The following TENT2 variants were observed in gnomAD, a reference collection of about 807,000 sequenced individuals.
TENT2 encodes poly(A) RNA polymerase GLD2.
A neutral mutation model predicts 72.2 loss-of-function variants in TENT2; 44 were observed. The ratio of observed to expected loss-of-function variants is 0.61; its 90% confidence interval spans 0.48 to 0.78. TENT2 has a LOEUF of 0.78. Ranked by LOEUF, TENT2 falls within the 30% of genes least tolerant of loss-of-function variation. The probability of loss-of-function intolerance (pLI) is 0.00; values close to 1 mark genes in which losing one functional copy is unlikely to be tolerated. For missense variants in TENT2, 541 were observed against 569.6 expected, an observed-to-expected ratio of 0.95 and a Z score of 0.51; for synonymous variants, 212 against 192.5, an observed-to-expected ratio of 1.10 and a Z score of -0.84.
chr5:79,685,076 A>C (rs1825552044), intron 14 of TENT2, 123 bp from the exon 15 acceptor site: 4 of 791,012 alleles, frequency 5.1e-6, no homozygotes, highest in Non-Finnish European at 8.0e-6. Flanking sequence ...AAAAAATTTG[A>C]AGGAAAAAAT....
At chr5:79,617,319 T>TA (rs911330903) in intron 1 of TENT2, among the ~76,000 whole-genome samples, 2 of 151,722 alleles carry the variant, frequency 1.3e-5, no homozygotes, top group African/African-American at 4.8e-5. Flanking sequence ...AACTCAGTTT[T>TA]AAAAAAATCA....
intron 4 of TENT2, among the ~76,000 whole-genome samples, chr5:79,638,636 T>A (rs1268620751): frequency 1.3e-5 from 2 of 152,176 alleles, no homozygotes; most frequent in African/African-American, 2.4e-5. Flanking sequence ...GCAATTTGAT[T>A]TCTGCATGTT....
At chr5:79,651,104 A>G (rs1580448410) in intron 10 of TENT2, among the ~76,000 whole-genome samples, 1 of 151,992 alleles carries the variant, frequency 6.6e-6, no homozygotes, top group Non-Finnish European at 1.5e-5. Flanking sequence ...AAAAAAATAC[A>G]TTTCCCATGA....
chr5:79,651,216 A>G (rs1378029919), intron 10 of TENT2, among the ~76,000 whole-genome samples: 1 of 152,018 alleles, frequency 6.6e-6, no homozygotes, highest in Non-Finnish European at 1.5e-5. Flanking sequence ...ATATAAATAC[A>G]TAAATGTCAA....
In TENT2 at chr5:79,640,900, G is replaced by C. The variant is rs760299421; in HGVS notation, c.515G>C (p.Ser172Thr). Residue 172 changes from serine (S) to threonine (T), a missense_variant, in exon 5 of 15, where the codon AGT (serine) becomes ACT (threonine). Transcript: ENST00000453514. ...ELFETCQQQI[S>T]DLKKKELCRT... ...TTTGAAACATGTCAGCAGCAAATAA[G>C]TGATTTAAAGAAGAAAGAACTCTGT... is the stretch of plus-strand genomic sequence containing the variant. 1.9e-5 allele frequency: 30 copies of C among 1,612,138 alleles called. No individual in the cohort carries two copies. Among genetic ancestry groups the C allele is most frequent in the Non-Finnish European group, 2.5e-5 (29 of 1,179,386 alleles).
chr5:79,636,214 C>T (rs1780025455), intron 4 of TENT2, among the ~76,000 whole-genome samples: 1 of 152,074 alleles, frequency 6.6e-6, no homozygotes. Flanking sequence ...TTCTTTTTAG[C>T]TTTTTATTAT....
At chr5:79,647,255 T>C (rs1789852107) in intron 8 of TENT2, among the ~76,000 whole-genome samples, 1 of 152,200 alleles carries the variant, frequency 6.6e-6, no homozygotes, top group Non-Finnish European at 1.5e-5. Context: ...TAAATAAGTA[T>C]TTTGTGCATA....
chr5:79,678,200 T>G (rs2150885001), intron 12 of TENT2, among the ~76,000 whole-genome samples: 1 of 152,320 alleles, frequency 6.6e-6, no homozygotes, highest in South Asian at 2.1e-4. Flanking sequence ...AATTATACTT[T>G]CAGTGTGCTT....
At chr5:79,642,125 T>C (rs1459696199) in intron 6 of TENT2, among the ~76,000 whole-genome samples, 1 of 152,100 alleles carries the variant, frequency 6.6e-6, no homozygotes. Flanking sequence ...TAATATGCCT[T>C]ATTATGTTTT....
intron 14 of TENT2, among the ~76,000 whole-genome samples, chr5:79,683,338 CA>C (rs1823619521): frequency 2.6e-5 from 4 of 151,522 alleles, no homozygotes; most frequent in Admixed American, 2.0e-4. Context: ...CACACACACA[CA>C]CACCCCACCT....
intron 7 of TENT2, among the ~76,000 whole-genome samples, chr5:79,643,290 A>G (rs931024284): frequency 3.3e-5 from 5 of 152,206 alleles, no homozygotes; most frequent in African/African-American, 1.2e-4. Flanking sequence ...AGAGAATTTC[A>G]TCTGGCTTGC....
At chr5:79,652,812 AT>A (rs2150216502) in intron 10 of TENT2, among the ~76,000 whole-genome samples, 1 of 152,208 alleles carries the variant, frequency 6.6e-6, no homozygotes, top group Non-Finnish European at 1.5e-5. Flanking sequence ...TTTACAAAAT[AT>A]ATGTCAATCT....
At chr5:79,656,793 T>C in intron 10 of TENT2, 165 bp from the exon 11 acceptor site, 1 of 516,306 alleles carries the variant, frequency 1.9e-6, no homozygotes, top group East Asian at 3.2e-5. Context: ...AAATATATTT[T>C]AAATACAAAC....
At chr5:79,673,698 T>G (rs148577355) in intron 12 of TENT2, among the ~76,000 whole-genome samples, 5 of 152,300 alleles carry the variant, frequency 3.3e-5, no homozygotes, top group Non-Finnish European at 7.4e-5. Flanking sequence ...GCAGCTTTAC[T>G]GAATTTGTTT....
chr5:79,629,920 A>G (rs62365174), intron 4 of TENT2, among the ~76,000 whole-genome samples: 30,577 of 150,916 alleles, frequency 0.2, 4,546 homozygotes, highest in African/African-American at 0.42. Flanking sequence ...GATTACCTGA[A>G]GTCAGGAGTT....
At chr5:79,636,445 C>T (rs1780202572) in intron 4 of TENT2, among the ~76,000 whole-genome samples, 1 of 152,114 alleles carries the variant, frequency 6.6e-6, no homozygotes, top group Non-Finnish European at 1.5e-5. Context: ...GTTTATCCTT[C>T]TGCCAGGGCC....
intron 12 of TENT2, among the ~76,000 whole-genome samples, chr5:79,675,994 C>T (rs2150826495): frequency 6.6e-6 from 1 of 152,188 alleles, no homozygotes; most frequent in East Asian, 1.9e-4. Flanking sequence ...CCAGTCAAAA[C>T]AGAACTCTAG....
At chr5:79,658,578 C>T (rs1477668930) in intron 11 of TENT2, among the ~76,000 whole-genome samples, 2 of 152,082 alleles carry the variant, frequency 1.3e-5, no homozygotes, top group African/African-American at 4.8e-5. Context: ...ATTTTATTGA[C>T]CCAACCTCAT....
At chr5:79,657,202 G>T (rs1460951870) in intron 11 of TENT2, among the ~76,000 whole-genome samples, 2 of 152,032 alleles carry the variant, frequency 1.3e-5, no homozygotes. Flanking sequence ...TTGGCAGACA[G>T]TCTGGTCAGT....
Sources: allele counts gnomAD v4.1 joint callset (sites outside exome capture counted in the v4.1 genomes callset), GRCh38; gene constraint gnomAD v4.1.1; transcripts MANE v1.5; gene names NCBI Gene and HGNC (gene_info 2026-07-23, HGNC 2026-07-21).